Variants in PIK3C2A observed in about 807,000 individuals in gnomAD.
The protein encoded by PIK3C2A is phosphatidylinositol 4-phosphate 3-kinase C2 domain-containing subunit alpha.
PIK3C2A carries 97 observed loss-of-function variants against 204.5 expected under a neutral mutation model. That is an observed-to-expected ratio of 0.47 (90% CI 0.40 to 0.56). PIK3C2A has a LOEUF of 0.56. Ranked by LOEUF, PIK3C2A falls within the 20% of genes least tolerant of loss-of-function variation. The pLI, the probability that PIK3C2A is intolerant of heterozygous loss-of-function variation, is 0.00. For synonymous variants in PIK3C2A, 653 were observed against 664.4 expected, an observed-to-expected ratio of 0.98 and a Z score of 0.26; for missense variants, 1,735 against 1,969.2, an observed-to-expected ratio of 0.88 and a Z score of 2.25.
intron 13 of PIK3C2A, among the ~76,000 whole-genome samples, chr11:17,126,067 T>C (rs1849511878): frequency 6.6e-6 from 1 of 152,072 alleles, no homozygotes; most frequent in South Asian, 2.1e-4. Flanking sequence ...GAGGTTGCAG[T>C]GAGCCAAGAT....
At chr11:17,110,721 C>T (rs901796160) in intron 21 of PIK3C2A, among the ~76,000 whole-genome samples, 160 bp from the exon 22 acceptor site, 2 of 151,948 alleles carry the variant, frequency 1.3e-5, no homozygotes, top group East Asian at 3.9e-4. Context: ...GTGGAAACCC[C>T]GCCTCTACTA....
intron 2 of PIK3C2A, among the ~76,000 whole-genome samples, chr11:17,165,731 C>T (rs780828864): frequency 1.3e-4 from 17 of 128,434 alleles, no homozygotes; most frequent in Non-Finnish European, 1.4e-4. Context: ...GCTGAGATCA[C>T]GCAATTGCAC....
chr11:17,128,745 C>A (rs1041008728), intron 13 of PIK3C2A, among the ~76,000 whole-genome samples: 1 of 152,106 alleles, frequency 6.6e-6, no homozygotes, highest in Non-Finnish European at 1.5e-5. Flanking sequence ...TTAACAGACA[C>A]CAAGCTCAAA....
chr11:17,108,410 C>T (rs1044291223), intron 22 of PIK3C2A, among the ~76,000 whole-genome samples: 10 of 151,918 alleles, frequency 6.6e-5, no homozygotes, highest in African/African-American at 1.5e-4. Context: ...AGGCCGGCCT[C>T]GACAACATAG....
chr11:17,104,359 C>T (rs1848735703), intron 23 of PIK3C2A, among the ~76,000 whole-genome samples: 1 of 152,044 alleles, frequency 6.6e-6, no homozygotes, highest in Admixed American at 6.6e-5. Flanking sequence ...TGTTTACAGC[C>T]ATAGTATATG....
chr11:17,105,138 G>C, intron 23 of PIK3C2A, 31 bp downstream of exon 23: 1 of 1,580,076 alleles, frequency 6.3e-7, no homozygotes, highest in Non-Finnish European at 8.7e-7. Context: ...TTTTGACAAA[G>C]CTTTTTAGAA....
chr11:17,164,426 T>C (rs1435876819), intron 2 of PIK3C2A, among the ~76,000 whole-genome samples: 6 of 151,502 alleles, frequency 4.0e-5, no homozygotes, highest in Admixed American at 3.9e-4. Flanking sequence ...TCAAACAAAA[T>C]TATTAGATGG....
intron 1 of PIK3C2A, among the ~76,000 whole-genome samples, chr11:17,171,576 GTAT>G (rs973927206): frequency 2.6e-5 from 4 of 152,162 alleles, no homozygotes; most frequent in Non-Finnish European, 5.9e-5. Context: ...TGTTCTTAGT[GTAT>G]TATTTTGCAA....
At chr11:17,206,391 T>C (rs1363250316) in intron 1 of PIK3C2A, among the ~76,000 whole-genome samples, 1 of 152,100 alleles carries the variant, frequency 6.6e-6, no homozygotes, top group African/African-American at 2.4e-5. Flanking sequence ...GTAACCACTG[T>C]CTTGATACTA....
chr11:17,202,213 G>A (rs1019850362), intron 1 of PIK3C2A, among the ~76,000 whole-genome samples: 2 of 148,520 alleles, frequency 1.3e-5, no homozygotes, highest in African/African-American at 2.5e-5. Flanking sequence ...CTGAGATTGC[G>A]CCATTGTACT....
intron 26 of PIK3C2A, among the ~76,000 whole-genome samples, chr11:17,099,639 G>A (rs907830255): frequency 3.3e-5 from 5 of 152,114 alleles, no homozygotes; most frequent in Non-Finnish European, 7.3e-5. Flanking sequence ...TAAACCTTGA[G>A]ATATTTTGAG....
chr11:17,133,728 G>A (rs1227246994), intron 11 of PIK3C2A, among the ~76,000 whole-genome samples: 2 of 152,062 alleles, frequency 1.3e-5, no homozygotes, highest in Non-Finnish European at 2.9e-5. Flanking sequence ...AGGAGTTTGA[G>A]ACCAGCCTGG....
At chr11:17,126,652 T>C (rs1849537048) in intron 13 of PIK3C2A, among the ~76,000 whole-genome samples, 1 of 152,310 alleles carries the variant, frequency 6.6e-6, no homozygotes, top group Admixed American at 6.5e-5. Context: ...CTCTTAATCA[T>C]CTTCCCTCTT....
intron 13 of PIK3C2A, among the ~76,000 whole-genome samples, chr11:17,128,356 T>C (rs1849590908): frequency 6.7e-6 from 1 of 149,844 alleles, no homozygotes; most frequent in Non-Finnish European, 1.5e-5. Context: ...TGCCTCAGCC[T>C]ACAGAGTAGG....
chr11:17,169,979 C>T (rs773458549), intron 1 of PIK3C2A, among the ~76,000 whole-genome samples, 173 bp from the exon 2 acceptor site: 7 of 152,228 alleles, frequency 4.6e-5, no homozygotes, highest in Non-Finnish European at 7.3e-5. Context: ...ACCTTATACA[C>T]TGTTGGGTTA....
At chr11:17,151,484 G>A (rs1850425552) in intron 3 of PIK3C2A, among the ~76,000 whole-genome samples, 2 of 152,152 alleles carry the variant, frequency 1.3e-5, no homozygotes, top group Admixed American at 6.5e-5. Context: ...CACATAAGTA[G>A]AATAAAACAG....
chr11:17,105,379 T>A, intron 22 of PIK3C2A, 74 bp from the exon 23 acceptor site: 1 of 1,253,348 alleles, frequency 8.0e-7, no homozygotes, highest in Non-Finnish European at 1.1e-6. Flanking sequence ...TAAAAATTAT[T>A]ATTACTTTTT....
intron 3 of PIK3C2A, among the ~76,000 whole-genome samples, chr11:17,154,275 A>T (rs904824939): frequency 6.6e-6 from 1 of 152,208 alleles, no homozygotes; most frequent in Non-Finnish European, 1.5e-5. Flanking sequence ...TGGGGAGAGT[A>T]ACCTTTGCCA....
chr11:17,090,401 A>G (rs1848273713), intron 32 of PIK3C2A, among the ~76,000 whole-genome samples: 1 of 152,224 alleles, frequency 6.6e-6, no homozygotes, highest in African/African-American at 2.4e-5. Context: ...CAGGAGGCGG[A>G]GGTTGCAGTG....
Sources: allele counts gnomAD v4.1 joint callset (sites outside exome capture counted in the v4.1 genomes callset), GRCh38; gene constraint gnomAD v4.1.1; transcripts MANE v1.5; gene names NCBI Gene and HGNC (gene_info 2026-07-23, HGNC 2026-07-21).